CFAP299: variants seen among roughly 807,000 people sequenced by gnomAD.
CFAP299 encodes the protein cilia and flagella associated protein 299, also known as cilia- and flagella-associated protein 299.
In CFAP299, 21 loss-of-function variants were observed where a neutral mutation model predicts 27.0. The ratio of observed to expected loss-of-function variants is 0.78; its 90% CI spans 0.55 to 1.12. The LOEUF is 1.12. Among genes scored for constraint, CFAP299 ranks in the 50% most tolerant of loss-of-function variants. CFAP299 has a pLI of 0.00. For synonymous variants in CFAP299, 104 were observed against 98.1 expected (o/e 1.06, Z -0.36); for missense variants, 310 against 276.6 (o/e 1.12, Z -0.86).
intron 3 of CFAP299, among the ~76,000 whole-genome samples, chr4:80,672,813 G>A (rs1001331412): frequency 1.3e-5 from 2 of 152,102 alleles, no homozygotes; most frequent in African/African-American, 4.8e-5. Flanking sequence ...AGTATTCTCT[G>A]AAGGCAGTTT....
At chr4:80,609,261 C>T (rs1737841236) in intron 3 of CFAP299, among the ~76,000 whole-genome samples, 1 of 152,024 alleles carries the variant, frequency 6.6e-6, no homozygotes, top group Non-Finnish European at 1.5e-5. Context: ...ACTAGCAAAA[C>T]TTCCAGTTAA....
chr4:80,892,698 T>C (rs1255451142), intron 4 of CFAP299, among the ~76,000 whole-genome samples: 4 of 152,048 alleles, frequency 2.6e-5, no homozygotes, highest in African/African-American at 9.7e-5. Context: ...ATATAAAAAC[T>C]CTGAACAGAT....
intron 5 of CFAP299, among the ~76,000 whole-genome samples, chr4:80,957,892 C>T (rs1450114676): frequency 2.0e-5 from 3 of 152,110 alleles, no homozygotes; most frequent in Non-Finnish European, 4.4e-5. Context: ...GTTTGCCTTA[C>T]TGTTTATATA....
chr4:80,807,400 T>G (rs1418734450), intron 3 of CFAP299, among the ~76,000 whole-genome samples: 1 of 152,134 alleles, frequency 6.6e-6, no homozygotes, highest in Non-Finnish European at 1.5e-5. Flanking sequence ...GTGAAGGAAT[T>G]AACAGATATT....
chr4:80,953,752 A>G (rs1442187390), intron 5 of CFAP299, among the ~76,000 whole-genome samples: 1 of 152,150 alleles, frequency 6.6e-6, no homozygotes, highest in African/African-American at 2.4e-5. Flanking sequence ...ATATTTTTTG[A>G]ATTTTGAATT....
At chr4:80,948,303 G>A (rs72661740) in intron 5 of CFAP299, among the ~76,000 whole-genome samples, 14,161 of 152,152 alleles carry the variant, frequency 0.093, 984 homozygotes, top group Non-Finnish European at 0.14. Flanking sequence ...CATTGGTTAG[G>A]AAATTCCAAA....
chr4:80,521,677 A>C (rs1369265152), intron 2 of CFAP299, among the ~76,000 whole-genome samples: 1 of 151,964 alleles, frequency 6.6e-6, no homozygotes, highest in Non-Finnish European at 1.5e-5. Flanking sequence ...GAGTTTGACT[A>C]CTTTAGAGAC....
At chr4:80,960,061 T>C (rs1051723429) in intron 5 of CFAP299, among the ~76,000 whole-genome samples, 1 of 151,750 alleles carries the variant, frequency 6.6e-6, no homozygotes, top group Admixed American at 6.6e-5. Flanking sequence ...AGAAAATTAT[T>C]TTTATAAGAC....
chr4:80,777,708 A>G lies in CFAP299; in HGVS notation c.334-92285A>G, dbSNP rs184118836. ...ATAAACTAACTCAAAGAAGACATTT[A>G]TAAGACAATTGGGAAATTTTAGTGT... On this transcript the variant is annotated intron_variant, in intron 3 of 5. Transcript: ENST00000358105. 2.5e-3 allele frequency among the ~76,000 whole-genome samples: 383 copies of G among 152,278 alleles called. 1 individual carries two copies. The highest frequency in any genetic ancestry group is 8.7e-3 in the African/African-American group (362 of 41,564).
At chr4:80,748,665 A>G (rs77385255) in intron 3 of CFAP299, among the ~76,000 whole-genome samples, 70 of 152,200 alleles carry the variant, frequency 4.6e-4, no homozygotes, top group African/African-American at 1.6e-3. Flanking sequence ...TATCTCTTCT[A>G]TTGTTTAGGA....
chr4:80,876,134 T>C (rs1034910396), intron 4 of CFAP299, among the ~76,000 whole-genome samples: 2 of 148,322 alleles, frequency 1.3e-5, no homozygotes, highest in African/African-American at 4.9e-5. Flanking sequence ...ATATTATATA[T>C]AAATATTATA....
At chr4:80,761,569 T>TA (rs1319625052) in intron 3 of CFAP299, among the ~76,000 whole-genome samples, 2 of 151,994 alleles carry the variant, frequency 1.3e-5, no homozygotes, top group African/African-American at 2.4e-5. Context: ...GCACAAGCTA[T>TA]AAAAACTAGA....
rs2110217414 is a variant in CFAP299, at chr4:80,558,044, A to T, written c.243-25049A>T. 1.3e-5 allele frequency among the ~76,000 whole-genome samples: 2 copies of T among 152,244 alleles called. 1 individual carries two copies. Among genetic ancestry groups the T allele is most frequent in the South Asian group, 4.1e-4 (2 of 4,830 alleles). ...CACATTTTTTATTACTACTTACTCCAAGTGAATGTCACTTAATTTTAATAA... is the reference window on the plus strand; with the variant it reads ...CACATTTTTTATTACTACTTACTCCTAGTGAATGTCACTTAATTTTAATAA... On this transcript the variant is annotated intron_variant, in intron 2 of 5. Coordinates refer to ENST00000358105, the MANE Select transcript of CFAP299 (RefSeq NM_152770.3).
intron 3 of CFAP299, among the ~76,000 whole-genome samples, chr4:80,670,959 A>C (rs1031183465): frequency 6.6e-6 from 1 of 152,134 alleles, no homozygotes; most frequent in African/African-American, 2.4e-5. Flanking sequence ...CTCTGATGGT[A>C]GTTTCTTTTG....
At position 80,733,648 on chromosome 4, in the gene CFAP299, C is replaced by T. The variant is rs768538466; in HGVS notation, c.334-136345C>T. Reference sequence around the variant, plus strand: ...CTTCCCAGCCTCTGTGACCATTCCTCTAATCTCAATCTCCAGAACTTCAAT... The same window carrying T: ...CTTCCCAGCCTCTGTGACCATTCCTTTAATCTCAATCTCCAGAACTTCAAT... On this transcript the variant is annotated intron_variant, in intron 3 of 5. Transcript: ENST00000358105. 7.2e-4 allele frequency among the ~76,000 whole-genome samples: 109 copies of T among 152,208 alleles called. 2 individuals carry two copies. The highest frequency in any genetic ancestry group is 1.6e-3 in the Admixed American group (25 of 15,278).
At chr4:80,390,491 CTA>C (rs78737603) in intron 2 of CFAP299, among the ~76,000 whole-genome samples, 9 of 126,052 alleles carry the variant, frequency 7.1e-5, no homozygotes, top group Admixed American at 4.1e-4. Flanking sequence ...CTCTCTCTCT[CTA>C]TATATATGTA....
intron 3 of CFAP299, among the ~76,000 whole-genome samples, chr4:80,762,972 C>T (rs1193880381): frequency 6.6e-6 from 1 of 152,174 alleles, no homozygotes; most frequent in Admixed American, 6.5e-5. Flanking sequence ...TTTCTTTCCA[C>T]AGGTGTTAAT....
the CFAP299 span, among the ~76,000 whole-genome samples, chr4:80,324,678 G>A: frequency 1.4e-4 from 22 of 152,160 alleles, no homozygotes; most frequent in African/African-American, 5.3e-4. Context: ...AACTCTGAGA[G>A]AAAACCATTT....
chr4:80,519,405 C>A lies in CFAP299; in HGVS notation c.243-63688C>A, dbSNP rs960694022. ...TGTTATTAGTATAGACGGAGTTTCA[C>A]CATGTTGTCCAGGTTGTTCTCTAAC... is the stretch of plus-strand genomic sequence containing the variant. On this transcript the variant is annotated intron_variant, in intron 2 of 5. Transcript: ENST00000358105. Among the ~76,000 whole-genome samples, 7 of 152,148 alleles carry A rather than the reference C, an allele frequency of 4.6e-5. No individual in the cohort carries two copies. The East Asian group carries it at 1.2e-3, about 25-fold the overall frequency.
Sources: allele counts gnomAD v4.1 joint callset (sites outside exome capture counted in the v4.1 genomes callset), GRCh38; gene constraint gnomAD v4.1.1; transcripts MANE v1.5; gene names NCBI Gene and HGNC (gene_info 2026-07-23, HGNC 2026-07-21).